Variants in MGAT5 observed in about 807,000 individuals in gnomAD.
The protein encoded by MGAT5 is alpha-1,6-mannosylglycoprotein 6-beta-N-acetylglucosaminyltransferase A.
A neutral mutation model predicts 94.3 loss-of-function variants in MGAT5; 30 were observed. That is an observed-to-expected ratio of 0.32 (90% CI 0.24 to 0.43). The LOEUF is 0.43. Ranked by LOEUF, MGAT5 falls within the 20% of genes least tolerant of loss-of-function variation. The pLI is 1.00. For missense variants in MGAT5, 691 were observed against 905.5 expected, an observed-to-expected ratio of 0.76 and a Z score of 3.04; for synonymous variants, 310 against 322.9, an observed-to-expected ratio of 0.96 and a Z score of 0.43.
At chr2:134,425,876 G>A (rs1021778992) in intron 13 of MGAT5, among the ~76,000 whole-genome samples, 7 of 150,846 alleles carry the variant, frequency 4.6e-5, no homozygotes, top group East Asian at 1.9e-4. Context: ...TGTGGCCCTC[G>A]CCATATGAGT....
intron 2 of MGAT5, among the ~76,000 whole-genome samples, chr2:134,285,476 A>G (rs1476834088): frequency 1.3e-5 from 2 of 152,166 alleles, no homozygotes; most frequent in African/African-American, 4.8e-5. Context: ...AGAGTTTCTT[A>G]GAAACAGAAT....
chr2:134,315,289 G>T (rs987554054), intron 2 of MGAT5, among the ~76,000 whole-genome samples: 1 of 152,260 alleles, frequency 6.6e-6, no homozygotes, highest in East Asian at 1.9e-4. Flanking sequence ...TAAAATGTCT[G>T]ATTACCAACC....
intron 1 of MGAT5, among the ~76,000 whole-genome samples, chr2:134,188,496 G>C (rs1431189100): frequency 1.3e-5 from 2 of 152,240 alleles, no homozygotes; most frequent in African/African-American, 4.8e-5. Flanking sequence ...ACATGTGGAA[G>C]GTCTTAGAAC....
At chr2:134,370,515 C>T (rs1353976469) in intron 10 of MGAT5, among the ~76,000 whole-genome samples, 2 of 152,248 alleles carry the variant, frequency 1.3e-5, no homozygotes, top group Admixed American at 6.5e-5. Flanking sequence ...AATAATGTGT[C>T]TCCTGCTTAT....
chr2:134,338,507 C>A, intron 6 of MGAT5, 87 bp downstream of exon 6: 3 of 1,377,560 alleles, frequency 2.2e-6, no homozygotes, highest in South Asian at 2.9e-5. Flanking sequence ...AGAGAAATGT[C>A]ATATCTCAAA....
chr2:134,257,890 A>G (rs1457483245), intron 1 of MGAT5, among the ~76,000 whole-genome samples: 1 of 133,294 alleles, frequency 7.5e-6, no homozygotes, highest in African/African-American at 2.9e-5. Context: ...TGCATTGCCT[A>G]CACATCTGCT....
chr2:134,269,829 T>C (rs761551917), intron 1 of MGAT5, among the ~76,000 whole-genome samples: 1 of 152,248 alleles, frequency 6.6e-6, no homozygotes, highest in African/African-American at 2.4e-5. Flanking sequence ...CTAATCTTTA[T>C]TTTAAATATT....
rs758478814 is a variant in MGAT5 at position 134,318,606 on chromosome 2, AG to A, written c.484-41del. On this transcript the variant is annotated intron_variant, in intron 3 of 15. Coordinates refer to ENST00000281923, the MANE Select transcript of MGAT5 (RefSeq NM_002410.5). Reference sequence around the variant, plus strand: ...TCGCCTTCCCTGTCAGCAGATGTGGAGGGCCTGTGAATGGGCTGCTCAGAGA... The same window carrying A: ...TCGCCTTCCCTGTCAGCAGATGTGGAGGCCTGTGAATGGGCTGCTCAGAGA... 56 of 1,399,562 alleles carry A rather than the reference AG, an allele frequency of 4.0e-5. No homozygotes were observed. The African/African-American group carries it at 7.5e-4, about 19-fold the overall frequency. The allele number at this position is 1,399,562 out of a possible 1,614,324, so 86.7% of individuals were successfully genotyped here.
intron 1 of MGAT5, among the ~76,000 whole-genome samples, chr2:134,142,982 T>G (rs1033968092): frequency 9.2e-5 from 14 of 151,678 alleles, no homozygotes; most frequent in African/African-American, 3.4e-4. Context: ...TGTTCCGAGA[T>G]TTTAGAGATA....
intron 6 of MGAT5, among the ~76,000 whole-genome samples, chr2:134,340,767 A>G (rs113015085): frequency 1.1e-4 from 16 of 152,286 alleles, no homozygotes; most frequent in Middle Eastern, 3.4e-3. Flanking sequence ...TAATGGATTA[A>G]TGGATCTAGC....
At position 134,120,775 on chromosome 2, in the gene MGAT5, G is replaced by C. The variant is rs192875770; in HGVS notation, c.-143+484G>C. On this transcript the variant is annotated intron_variant, in intron 1 of 16. Coordinates refer to the MGAT5 transcript ENST00000409645. ...CAGGCGCACTGGGCGGGCTCGGCCAGGGGCCAGTGGGGAGGAAGGAAGAAG... is the reference window on the plus strand; with the variant it reads ...CAGGCGCACTGGGCGGGCTCGGCCACGGGCCAGTGGGGAGGAAGGAAGAAG... Among the ~76,000 whole-genome samples, 9 of 152,056 alleles carry C rather than the reference G, an allele frequency of 5.9e-5. No individual in the cohort carries two copies. The East Asian group carries it at 1.8e-3, about 30-fold the overall frequency.
intron 1 of MGAT5, among the ~76,000 whole-genome samples, chr2:134,121,447 G>T (rs1195735935): frequency 1.3e-5 from 2 of 152,222 alleles, no homozygotes; most frequent in Admixed American, 1.3e-4. Context: ...AAGAGGGAAG[G>T]GGGTGGCGCT....
chr2:134,267,690 C>T (rs996023873), intron 1 of MGAT5, among the ~76,000 whole-genome samples: 2 of 152,196 alleles, frequency 1.3e-5, no homozygotes, highest in Non-Finnish European at 2.9e-5. Flanking sequence ...ATAACTATCA[C>T]CAATAACAAT....
intron 10 of MGAT5, among the ~76,000 whole-genome samples, chr2:134,374,926 A>C (rs1681067369): frequency 6.6e-6 from 1 of 152,196 alleles, no homozygotes; most frequent in African/African-American, 2.4e-5. Context: ...CTGGGAGGTC[A>C]AGGCTGCAGT....
chr2:134,298,644 G>A (rs992828287), intron 2 of MGAT5, among the ~76,000 whole-genome samples: 1 of 152,128 alleles, frequency 6.6e-6, no homozygotes, highest in Non-Finnish European at 1.5e-5. Flanking sequence ...GATGTTGGAA[G>A]GTGTTTTCAA....
rs894209537 is a variant in MGAT5 at position 134,352,124 on chromosome 2, C to T, written c.1246+2186C>T. Among the ~76,000 whole-genome samples the T allele has an allele frequency of 2.0e-5, 3 of 152,162 alleles. No homozygotes were observed. In the East Asian group the frequency reaches 5.8e-4, roughly 29 times the overall value. ...GTTAGAATGCAGCATGGTACTACCC[C>T]AGTGGGGATGGCGTTTGTCAGGATC... On this transcript the variant is annotated intron_variant, in intron 9 of 15. Transcript: ENST00000281923.
intron 10 of MGAT5, among the ~76,000 whole-genome samples, chr2:134,387,478 G>T (rs1166515920): frequency 2.7e-5 from 4 of 150,874 alleles, no homozygotes; most frequent in African/African-American, 7.3e-5. Flanking sequence ...GCCTGAGTTT[G>T]TCTGTCTGTA....
intron 4 of MGAT5, among the ~76,000 whole-genome samples, chr2:134,324,682 G>C (rs1687538576): frequency 6.6e-6 from 1 of 152,074 alleles, no homozygotes; most frequent in Non-Finnish European, 1.5e-5. Flanking sequence ...GTCAAAGTGG[G>C]CAGTGATAAA....
At chr2:134,384,481 T>TTGGTTTTTTGTGAA (rs1681842447) in intron 10 of MGAT5, among the ~76,000 whole-genome samples, 4 of 152,206 alleles carry the variant, frequency 2.6e-5, no homozygotes, top group Non-Finnish European at 5.9e-5. Flanking sequence ...AACTCCTAGT[T>TTGGTTTTTTGTGAA]CTTACTAGAA....
Sources: gnomAD v4.1 joint callset for allele counts (sites outside exome capture counted in the v4.1 genomes callset) on GRCh38, gnomAD v4.1.1 for gene constraint, MANE v1.5 for transcripts, NCBI Gene and HGNC (gene_info 2026-07-23, HGNC 2026-07-21) for gene names.